The following NPIPB2 variants were observed in gnomAD, a reference collection of about 807,000 sequenced individuals.
The protein encoded by NPIPB2 is nuclear pore complex interacting protein family member B2.
A neutral mutation model predicts 30.8 loss-of-function variants in NPIPB2; 27 were observed. The observed-to-expected ratio is 0.88, with a 90% CI of 0.65 to 1.21. The LOEUF is 1.21. NPIPB2 is among the 50% of genes most tolerant of loss of function. The pLI, the probability that NPIPB2 is intolerant of heterozygous loss-of-function variation, is 0.00. For synonymous variants in NPIPB2, 147 were observed against 162.0 expected (o/e 0.91, Z 0.70); for missense variants, 440 against 446.2 (o/e 0.99, Z 0.13).
At chr16:11,945,919 T>G (rs866996569), upstream of NPIPB2, among the ~76,000 whole-genome samples, 18 of 151,456 alleles carry the variant, frequency 1.2e-4, no homozygotes, top group Admixed American at 6.6e-4. Context: ...CATTCAAACA[T>G]GCATAGTTGG....
At chr16:11,967,458 A>G (rs1333376661) in intron 1 of NPIPB2, 2 of 1,192,234 alleles carry the variant, frequency 1.7e-6, no homozygotes, top group African/African-American at 3.0e-5. Context: ...CACCTCTAAA[A>G]AATGAAAAAA....
chr16:11,944,819 T>C (rs984245084), upstream of NPIPB2, among the ~76,000 whole-genome samples: 1 of 149,184 alleles, frequency 6.7e-6, no homozygotes, highest in Non-Finnish European at 1.5e-5. Flanking sequence ...TTAGGCCAGA[T>C]GCTGTTACCT....
intron 1 of NPIPB2, chr16:11,967,293 G>A: frequency 5.2e-6 from 2 of 386,658 alleles, no homozygotes; most frequent in Admixed American, 4.3e-5. Flanking sequence ...TGAGCCACAG[G>A]GCCCAGCACA....
intron 1 of NPIPB2, among the ~76,000 whole-genome samples, chr16:11,962,334 A>C (rs927342560): frequency 6.6e-6 from 1 of 151,874 alleles, no homozygotes; most frequent in Non-Finnish European, 1.5e-5. Flanking sequence ...CCCTGTCTCT[A>C]CTAAAAATAC....
intron 1 of NPIPB2, among the ~76,000 whole-genome samples, chr16:11,951,934 C>T (rs1214012810): frequency 2.6e-5 from 4 of 151,888 alleles, no homozygotes; most frequent in African/African-American, 4.8e-5. Flanking sequence ...CCGAGGCGGG[C>T]GGACCACAAG....
chr16:11,963,057 A>AAAAC lies in NPIPB2; in HGVS notation c.-584+13507_-584+13510dup, dbSNP rs368234164. The stretch of plus-strand genomic sequence containing the variant: ...TGGCAACAGAGGGAGACTCCATCTC[A>AAAAC]AAACAAACAAACAAACAAACAAACA... On this transcript the variant is annotated intron_variant, in intron 1 of 5. Coordinates refer to the NPIPB2 transcript ENST00000538896. Among the ~76,000 whole-genome samples the AAAAC allele has an allele frequency of 2.9e-3, 441 of 152,106 alleles. 3 individuals are homozygous for AAAAC. The highest frequency in any genetic ancestry group is 3.4e-3 in the Middle Eastern group (1 of 294).
intron 1 of NPIPB2, chr16:11,968,072 C>A: frequency 4.0e-6 from 2 of 499,918 alleles, no homozygotes; most frequent in Non-Finnish European, 6.9e-6. Flanking sequence ...TTCCTGACAT[C>A]TAAGTTTTTA....
chr16:11,927,480 G>A (rs565838037), exon 8 of NPIPB2: 7 of 1,224,802 alleles, frequency 5.7e-6, no homozygotes, highest in Admixed American at 6.8e-5. Context: ...GGTTCGGGTG[G>A]TGATTCCACC....
At chr16:11,930,405 C>T (rs1381309160) in intron 5 of NPIPB2, 45 bp downstream of exon 5, 6 of 1,500,134 alleles carry the variant, frequency 4.0e-6, no homozygotes, top group South Asian at 2.4e-5. Flanking sequence ...AACAACACTC[C>T]AATGGGCGTT....
intron 1 of NPIPB2, among the ~76,000 whole-genome samples, chr16:11,965,890 A>C (rs1469483832): frequency 6.6e-6 from 1 of 152,170 alleles, no homozygotes; most frequent in East Asian, 1.9e-4. Context: ...TGGGTGAATC[A>C]CCTGAGGTCG....
At chr16:11,972,226 A>C (rs2055240222) in intron 1 of NPIPB2, among the ~76,000 whole-genome samples, 1 of 152,196 alleles carries the variant, frequency 6.6e-6, no homozygotes, top group Non-Finnish European at 1.5e-5. Context: ...TGTCATGCCA[A>C]TGAAGCCTCC....
At chr16:11,936,162 G>A (rs2054864362) in intron 2 of NPIPB2, among the ~76,000 whole-genome samples, 1 of 146,500 alleles carries the variant, frequency 6.8e-6, no homozygotes, top group East Asian at 2.1e-4. Flanking sequence ...AAATTAGCTG[G>A]GCATGGTGGT....
intron 1 of NPIPB2, among the ~76,000 whole-genome samples, chr16:11,956,865 G>T (rs753315585): frequency 1.3e-5 from 2 of 152,224 alleles, no homozygotes; most frequent in South Asian, 4.1e-4. Flanking sequence ...CAGGCACTAG[G>T]GGGTGGAGGA....
At chr16:11,975,609 G>C (rs1160131984) in intron 1 of NPIPB2, among the ~76,000 whole-genome samples, 1 of 151,630 alleles carries the variant, frequency 6.6e-6, no homozygotes, top group Non-Finnish European at 1.5e-5. Flanking sequence ...TGTTGTTGTT[G>C]AGAGGGAGTC....
upstream of NPIPB2, among the ~76,000 whole-genome samples, chr16:11,945,701 A>G (rs1422931269): frequency 1.3e-5 from 2 of 151,926 alleles, no homozygotes; most frequent in African/African-American, 4.8e-5. Context: ...AAACAAAAAC[A>G]AAATGCTGGA....
chr16:11,951,863 T>TA (rs202137482), intron 1 of NPIPB2, among the ~76,000 whole-genome samples: 4,035 of 139,950 alleles, frequency 0.029, 199 homozygotes, highest in African/African-American at 0.1. Context: ...CCGTCTCTAC[T>TA]AAAAAATACA....
intron 1 of NPIPB2, among the ~76,000 whole-genome samples, chr16:11,957,730 A>C (rs1488563142): frequency 6.6e-6 from 1 of 152,208 alleles, no homozygotes; most frequent in Non-Finnish European, 1.5e-5. Flanking sequence ...ACTGAAACAC[A>C]GACACCCTCT....
intron 1 of NPIPB2, among the ~76,000 whole-genome samples, chr16:11,961,690 G>C (rs983470161): frequency 1.0e-4 from 15 of 150,698 alleles, no homozygotes; most frequent in Admixed American, 9.3e-4. Flanking sequence ...TGAGGCAAGA[G>C]AATGGCTTGA....
chr16:11,935,001 C>G (rs1480733008), intron 2 of NPIPB2, among the ~76,000 whole-genome samples: 1 of 141,196 alleles, frequency 7.1e-6, no homozygotes, highest in Non-Finnish European at 1.5e-5. Context: ...TAATTACCTT[C>G]AGCTCTCTGA....
Sources: allele counts gnomAD v4.1 joint callset (sites outside exome capture counted in the v4.1 genomes callset), GRCh38; gene constraint gnomAD v4.1.1; transcripts MANE v1.5; gene names NCBI Gene and HGNC (gene_info 2026-07-23, HGNC 2026-07-21).